DCX: variants seen among roughly 807,000 people sequenced by gnomAD.
The protein encoded by DCX is doublecortin.
Under a neutral mutation model 20.9 loss-of-function variants are expected in DCX, and 4 were observed. The ratio of observed to expected loss-of-function variants is 0.19; its 90% CI spans 0.09 to 0.44. DCX has a LOEUF of 0.44. Ranked by LOEUF, DCX falls within the 20% of genes least tolerant of loss-of-function variation. The pLI, the probability that DCX is intolerant of heterozygous loss-of-function variation, is 0.99. For missense variants in DCX, 133 were observed against 296.9 expected (o/e 0.45, Z 4.06); for synonymous variants, 103 against 111.4 (o/e 0.92, Z 0.47).
At chrX:111,336,336 G>A (rs1006768845) in intron 3 of DCX, among the ~76,000 whole-genome samples, 1 of 112,359 alleles carries the variant, frequency 8.9e-6, no homozygotes, top group East Asian at 2.8e-4. Context: ...GAAAGGCAAA[G>A]TCCCCTGTGC....
intron 3 of DCX, among the ~76,000 whole-genome samples, chrX:111,337,703 G>A (rs1246810707): frequency 8.9e-6 from 1 of 112,193 alleles, no homozygotes; most frequent in African/African-American, 3.2e-5. Context: ...GTTTTCTCGA[G>A]AAGTAAGGTC....
At chrX:111,364,455 G>A (rs1319892098) in intron 3 of DCX, among the ~76,000 whole-genome samples, 1 of 112,186 alleles carries the variant, frequency 8.9e-6, no homozygotes, top group East Asian at 2.8e-4. Flanking sequence ...GATAAGTATC[G>A]GGTATTGGTG....
chrX:111,344,508 A>G (rs1022845699), intron 3 of DCX, among the ~76,000 whole-genome samples: 5 of 111,465 alleles, frequency 4.5e-5, no homozygotes, highest in African/African-American at 1.3e-4. Flanking sequence ...TCAGCCCCAA[A>G]ACTCCTTAAA....
chrX:111,336,583 TAAG>T, intron 3 of DCX, among the ~76,000 whole-genome samples: 1 of 112,008 alleles, frequency 8.9e-6, no homozygotes, highest in Middle Eastern at 4.6e-3. Context: ...CCATCTTAAA[TAAG>T]AAGAACTCAA....
At chrX:111,355,282 A>G (rs1476407906) in intron 3 of DCX, among the ~76,000 whole-genome samples, 1 of 111,177 alleles carries the variant, frequency 9.0e-6, no homozygotes, top group Non-Finnish European at 1.9e-5. Flanking sequence ...ATGTCTTTGT[A>G]TCCACCCAGA....
chrX:111,394,726 T>C (rs1927200403), intron 3 of DCX, among the ~76,000 whole-genome samples: 1 of 111,976 alleles, frequency 8.9e-6, no homozygotes, highest in South Asian at 3.7e-4. Context: ...GCACCAGTGC[T>C]AACCACCCCC....
chrX:111,396,339 A>G (rs932363628), intron 3 of DCX, among the ~76,000 whole-genome samples: 1 of 111,755 alleles, frequency 8.9e-6, no homozygotes, highest in Non-Finnish European at 1.9e-5. Context: ...TTGGCCTAAC[A>G]AAGCTAGAAC....
intron 5 of DCX, among the ~76,000 whole-genome samples, chrX:111,314,245 T>C (rs1170272136): frequency 1.8e-5 from 2 of 112,033 alleles, no homozygotes; most frequent in African/African-American, 6.5e-5. Context: ...CTCCTCCCTG[T>C]CATTCTTTCA....
intron 3 of DCX, among the ~76,000 whole-genome samples, chrX:111,338,825 A>G (rs745571908): frequency 9.2e-6 from 1 of 109,150 alleles, no homozygotes; most frequent in Non-Finnish European, 1.9e-5. Context: ...TTCCACATTT[A>G]TGGTATTTTA....
At chrX:111,324,286 T>C (rs2095094150) in intron 5 of DCX, among the ~76,000 whole-genome samples, 2 of 111,315 alleles carry the variant, frequency 1.8e-5, no homozygotes, top group South Asian at 7.7e-4. Context: ...TCCTTATCAA[T>C]TTACATATAG....
intron 3 of DCX, among the ~76,000 whole-genome samples, chrX:111,336,969 A>T (rs1390469920): frequency 9.0e-6 from 1 of 111,617 alleles, no homozygotes; most frequent in African/African-American, 3.3e-5. Flanking sequence ...AAGGAAAAGA[A>T]GGAGGAGGAG....
intron 1 of DCX, chrX:111,411,032 C>A: frequency 9.6e-7 from 1 of 1,041,760 alleles, no homozygotes; most frequent in Non-Finnish European, 1.3e-6. Context: ...CCAGAATAAA[C>A]TAAGATTCTC....
intron 2 of DCX, among the ~76,000 whole-genome samples, chrX:111,404,626 G>T (rs1036613722): frequency 5.4e-5 from 6 of 111,908 alleles, no homozygotes; most frequent in African/African-American, 1.9e-4. Flanking sequence ...AATGCACTAG[G>T]TGACACCTGA....
intron 5 of DCX, among the ~76,000 whole-genome samples, chrX:111,319,519 T>C (rs1469416697): frequency 1.8e-5 from 2 of 112,395 alleles, no homozygotes; most frequent in Admixed American, 1.9e-4. Flanking sequence ...GTCAAGGCAC[T>C]AGGCTTTTTG....
intron 3 of DCX, among the ~76,000 whole-genome samples, chrX:111,388,474 G>A (rs960810752): frequency 8.9e-6 from 1 of 111,972 alleles, no homozygotes; most frequent in Non-Finnish European, 1.9e-5. Context: ...CTGAGGCAAA[G>A]ACCAGTGATT....
intron 5 of DCX, among the ~76,000 whole-genome samples, chrX:111,316,530 C>G (rs931432045): frequency 7.2e-5 from 8 of 111,291 alleles, no homozygotes; most frequent in African/African-American, 2.6e-4. Context: ...TCGCCTGGCC[C>G]CTCTCTCACC....
At chrX:111,340,227 A>C (rs12010699) in intron 3 of DCX, among the ~76,000 whole-genome samples, 15,278 of 112,076 alleles carry the variant, frequency 0.14, 2,548 homozygotes, top group African/African-American at 0.47. Flanking sequence ...AGACATGTCC[A>C]CAACAGCCCA....
chrX:111,383,221 T>C (rs977172610), intron 3 of DCX, among the ~76,000 whole-genome samples: 1 of 111,542 alleles, frequency 9.0e-6, no homozygotes, highest in South Asian at 3.8e-4. Context: ...ACAGATGATG[T>C]AGGCTAGAAA....
Position 111,301,493 on chromosome X carries a change from T to A in DCX, c.*194A>T, listed in dbSNP as rs1016465806. 1.0e-5 allele frequency: 5 copies of A among 488,773 alleles called. No individual in the cohort carries two copies. The highest frequency in any genetic ancestry group is 1.8e-5 in the Non-Finnish European group (5 of 270,277). 40.3% of individuals were successfully genotyped at this position (488,773 alleles called of 1,213,427 possible). A position where few individuals can be genotyped will look rare whatever the true frequency, so the allele number is the denominator to read the frequency against. On this transcript the variant is annotated 3_prime_UTR_variant, in exon 7 of 7. Coordinates refer to ENST00000636035, the MANE Select transcript of DCX (RefSeq NM_001195553.2). Reference sequence around the variant, plus strand: ...CAATCTATCTCTCATAATTGGTAACTGTGGATCAGTGGCCCAGAGGAGAAA... The same window carrying A: ...CAATCTATCTCTCATAATTGGTAACAGTGGATCAGTGGCCCAGAGGAGAAA...
Sources: allele counts gnomAD v4.1 joint callset (sites outside exome capture counted in the v4.1 genomes callset), GRCh38; gene constraint gnomAD v4.1.1; transcripts MANE v1.5; gene names NCBI Gene and HGNC (gene_info 2026-07-23, HGNC 2026-07-21).